Variants in GALNT13 observed in about 807,000 individuals in gnomAD.
GALNT13 encodes the protein polypeptide N-acetylgalactosaminyltransferase 13.
A neutral mutation model predicts 64.2 loss-of-function variants in GALNT13; 28 were observed. The ratio of observed to expected loss-of-function variants is 0.44; its 90% CI spans 0.32 to 0.60. The LOEUF is 0.60. Among genes scored for constraint, GALNT13 ranks in the 20% least tolerant of loss-of-function variants. GALNT13 has a pLI of 0.05. For synonymous variants in GALNT13, 214 were observed against 224.6 expected, an observed-to-expected ratio of 0.95 and a Z score of 0.42; for missense variants, 577 against 669.8, an observed-to-expected ratio of 0.86 and a Z score of 1.53.
At chr2:153,758,734 A>C in the GALNT13 span, among the ~76,000 whole-genome samples, 1 of 152,108 alleles carries the variant, frequency 6.6e-6, no homozygotes, top group Non-Finnish European at 1.5e-5. Flanking sequence ...CTGGGATTAC[A>C]GGCCTGTGTG....
At chr2:153,566,516 G>A in the GALNT13 span, among the ~76,000 whole-genome samples, 5 of 151,938 alleles carry the variant, frequency 3.3e-5, no homozygotes, top group South Asian at 2.1e-4. Context: ...CACCGCGCCC[G>A]GCTAATTTTT....
the GALNT13 span, among the ~76,000 whole-genome samples, chr2:153,633,841 C>CT: frequency 1.3e-5 from 2 of 152,082 alleles, no homozygotes; most frequent in African/African-American, 4.8e-5. Flanking sequence ...ATTTATAGTA[C>CT]TTTTTTCTCT....
At chr2:153,631,429 AG>A in the GALNT13 span, among the ~76,000 whole-genome samples, 17 of 152,326 alleles carry the variant, frequency 1.1e-4, no homozygotes, top group Non-Finnish European at 2.9e-5. Flanking sequence ...TCCTATCAAC[AG>A]TGTAAAGGTG....
intron 12 of GALNT13, among the ~76,000 whole-genome samples, chr2:154,440,486 GATAA>G (rs1437052829): frequency 1.3e-5 from 2 of 151,974 alleles, no homozygotes; most frequent in African/African-American, 2.4e-5. Context: ...CACATAGGTA[GATAA>G]ATAAATGATT....
intron 4 of GALNT13, among the ~76,000 whole-genome samples, chr2:154,170,848 A>G (rs1196244152): frequency 6.6e-6 from 1 of 152,206 alleles, no homozygotes; most frequent in Non-Finnish European, 1.5e-5. Flanking sequence ...ATCCAGTGCC[A>G]ATAATAAAAA....
the GALNT13 span, among the ~76,000 whole-genome samples, chr2:153,345,641 TTCTTTCTTTCTTTC>T: frequency 3.0e-5 from 3 of 101,574 alleles, no homozygotes; most frequent in East Asian, 9.7e-4. Context: ...TTCTTTTTCT[TTCTTTCTTTCTTTC>T]TTTCTTTCTT....
intron 9 of GALNT13, among the ~76,000 whole-genome samples, chr2:154,334,075 CTTTT>C (rs35425837): frequency 1.3e-5 from 2 of 151,544 alleles, no homozygotes; most frequent in Admixed American, 1.3e-4. Flanking sequence ...TCATGGATGA[CTTTT>C]TTTCTCTTCT....
the GALNT13 span, among the ~76,000 whole-genome samples, chr2:153,701,969 C>A: frequency 2.6e-5 from 4 of 152,264 alleles, no homozygotes; most frequent in Admixed American, 1.3e-4. Context: ...ACCCAGTAAT[C>A]CCATTACTGG....
chr2:154,354,939 T>C (rs1696648010), intron 9 of GALNT13, among the ~76,000 whole-genome samples: 3 of 151,978 alleles, frequency 2.0e-5, no homozygotes, highest in Admixed American at 2.0e-4. Flanking sequence ...TCTCTGACAC[T>C]AACTTTCTAC....
the GALNT13 span, among the ~76,000 whole-genome samples, chr2:153,154,317 C>T: frequency 2.0e-5 from 3 of 152,156 alleles, no homozygotes; most frequent in East Asian, 1.9e-4. Flanking sequence ...CCACGTAAGA[C>T]GTGCCTTTGC....
chr2:154,285,051 T>TG (rs1255654753), intron 8 of GALNT13, among the ~76,000 whole-genome samples: 1 of 152,164 alleles, frequency 6.6e-6, no homozygotes, highest in African/African-American at 2.4e-5. Flanking sequence ...TCAGATCACT[T>TG]GCCTATTTTG....
chr2:154,400,847 G>T (rs1699269283), intron 10 of GALNT13, among the ~76,000 whole-genome samples: 1 of 152,096 alleles, frequency 6.6e-6, no homozygotes. Flanking sequence ...TTCTGATCTT[G>T]TAAATTTAAG....
the GALNT13 span, among the ~76,000 whole-genome samples, chr2:153,150,400 C>T: frequency 1.3e-5 from 2 of 151,952 alleles, no homozygotes; most frequent in South Asian, 4.1e-4. Flanking sequence ...TAGATTGCAA[C>T]AATTTTCTCC....
At chr2:154,242,220 G>T (rs944423399) in intron 5 of GALNT13, 24 bp downstream of exon 5, 1 of 1,594,848 alleles carries the variant, frequency 6.3e-7, no homozygotes, top group Non-Finnish European at 8.5e-7. Flanking sequence ...TTTTGTTTTT[G>T]TTTTTGTTTT....
chr2:154,024,275 T>C (rs1195691275), intron 3 of GALNT13, among the ~76,000 whole-genome samples: 1 of 152,204 alleles, frequency 6.6e-6, no homozygotes, highest in Non-Finnish European at 1.5e-5. Context: ...TCCTGGATAA[T>C]ATCCTGCAGA....
chr2:154,319,660 G>GAA (rs149406885), intron 9 of GALNT13, among the ~76,000 whole-genome samples: 13 of 135,114 alleles, frequency 9.6e-5, no homozygotes, highest in African/African-American at 1.1e-4. Flanking sequence ...GCAAGACTCT[G>GAA]AAAAAAAAAA....
chr2:153,828,203 T>A, the GALNT13 span, among the ~76,000 whole-genome samples: 1 of 152,180 alleles, frequency 6.6e-6, no homozygotes, highest in East Asian at 1.9e-4. Context: ...CCTTCTGGGG[T>A]CTGGAGAATG....
At chr2:154,015,373 C>T (rs967056174) in intron 3 of GALNT13, among the ~76,000 whole-genome samples, 1 of 152,134 alleles carries the variant, frequency 6.6e-6, no homozygotes, top group African/African-American at 2.4e-5. Flanking sequence ...AGCATGACAT[C>T]ATTGTTGAAC....
At chr2:153,733,357 C>G in the GALNT13 span, among the ~76,000 whole-genome samples, 2 of 152,102 alleles carry the variant, frequency 1.3e-5, no homozygotes, top group East Asian at 1.9e-4. Context: ...GTTCTGAAAA[C>G]TTCAAGATGG....
Sources: gnomAD v4.1 joint callset for allele counts (sites outside exome capture counted in the v4.1 genomes callset) on GRCh38, gnomAD v4.1.1 for gene constraint, MANE v1.5 for transcripts, NCBI Gene and HGNC (gene_info 2026-07-23, HGNC 2026-07-21) for gene names.